The following CSMD1 variants were observed in gnomAD, a reference collection of about 807,000 sequenced individuals.
CSMD1 encodes the protein CUB and Sushi multiple domains 1, also known as CUB and sushi domain-containing protein 1.
In CSMD1, 213 loss-of-function variants were observed where a neutral mutation model predicts 417.5. The observed-to-expected ratio is 0.51, with a 90% confidence interval of 0.46 to 0.57. The LOEUF (loss-of-function observed/expected upper bound fraction) is 0.57. Among genes scored for constraint, CSMD1 ranks in the 20% least tolerant of loss-of-function variants. The pLI is 0.00. For synonymous variants in CSMD1, 2,862 were observed against 1,736.8 expected (o/e 1.65, Z -16.11); for missense variants, 6,923 against 4,529.7 (o/e 1.53, Z -15.17).
chr8:4,897,342 T>G (rs916012315), intron 1 of CSMD1, among the ~76,000 whole-genome samples: 8 of 152,050 alleles, frequency 5.3e-5, no homozygotes, highest in African/African-American at 1.9e-4. Flanking sequence ...CAATATATAT[T>G]GTTTCTATAG....
chr8:4,195,894 T>C (rs796125435), intron 3 of CSMD1, among the ~76,000 whole-genome samples: 2 of 151,988 alleles, frequency 1.3e-5, no homozygotes, highest in South Asian at 2.1e-4. Context: ...CTCAGCACAG[T>C]CCCACCCCGA....
At chr8:4,951,230 G>A (rs541944164) in intron 1 of CSMD1, among the ~76,000 whole-genome samples, 4 of 152,084 alleles carry the variant, frequency 2.6e-5, no homozygotes, top group Non-Finnish European at 2.9e-5. Flanking sequence ...AATCCACAAA[G>A]AAACTGTCTC....
chr8:3,338,550 T>C (rs1807424811), intron 23 of CSMD1, among the ~76,000 whole-genome samples: 1 of 152,130 alleles, frequency 6.6e-6, no homozygotes, highest in East Asian at 1.9e-4. Context: ...ATTGTGAATG[T>C]CCCTATTTCC....
chr8:3,695,510 G>A (rs554160588), intron 7 of CSMD1, among the ~76,000 whole-genome samples: 132 of 152,162 alleles, frequency 8.7e-4, no homozygotes, highest in African/African-American at 3.0e-3. Context: ...GTTTATCACA[G>A]ATACAGAAGA....
At chr8:4,162,711 G>A (rs1181144256) in intron 3 of CSMD1, among the ~76,000 whole-genome samples, 1 of 152,124 alleles carries the variant, frequency 6.6e-6, no homozygotes, top group East Asian at 1.9e-4. Context: ...CGCCAGAGTG[G>A]TGCATTTGTT....
chr8:3,241,051 A>T (rs1360570131), intron 26 of CSMD1, among the ~76,000 whole-genome samples: 2 of 148,812 alleles, frequency 1.3e-5, no homozygotes, highest in South Asian at 2.2e-4. Flanking sequence ...GGTATCTCAT[A>T]CTTGTGGGTT....
intron 3 of CSMD1, among the ~76,000 whole-genome samples, chr8:4,248,611 C>T (rs1802854955): frequency 6.6e-6 from 1 of 152,126 alleles, no homozygotes; most frequent in Non-Finnish European, 1.5e-5. Flanking sequence ...ATGAACTTCT[C>T]GAAAAGACCT....
rs546623009 is a variant in CSMD1, at chr8:4,488,487, CA to C, written c.303-68423del. 3.3e-5 allele frequency among the ~76,000 whole-genome samples: 5 copies of C among 152,200 alleles called. No homozygotes were observed. The East Asian group carries it at 9.7e-4, about 29-fold the overall frequency. ...TATTCACAAAATAAACTAGTGGTGACAGTAGTCACCCTACTCTGAATCAAAC... is the reference window on the plus strand; with the variant it reads ...TATTCACAAAATAAACTAGTGGTGACGTAGTCACCCTACTCTGAATCAAAC... On this transcript the variant is annotated intron_variant, in intron 2 of 69. Coordinates refer to ENST00000635120, the MANE Select transcript of CSMD1 (RefSeq NM_033225.6).
chr8:2,986,434 CTG>C lies in CSMD1; in HGVS notation c.8378-7636_8378-7635del, dbSNP rs1470223679. ...ACACATATCAGATCAACCCCTAAGA[CTG>C]TGTTTTCTCTACTCAGCAACACTCC... On this transcript the variant is annotated intron_variant, in intron 54 of 69. Coordinates refer to ENST00000635120, the MANE Select transcript of CSMD1 (RefSeq NM_033225.6). Among the ~76,000 whole-genome samples, 3 of 152,284 alleles carry C rather than the reference CTG, an allele frequency of 2.0e-5. No individual in the cohort carries two copies. In the East Asian group the frequency reaches 5.8e-4, roughly 29 times the overall value.
At chr8:3,317,048 A>T (rs377065240) in intron 23 of CSMD1, among the ~76,000 whole-genome samples, 1 of 152,092 alleles carries the variant, frequency 6.6e-6, no homozygotes, top group Non-Finnish European at 1.5e-5. Flanking sequence ...AGCCTGAGTG[A>T]GAGTGGACAC....
At chr8:4,300,390 T>A (rs1462398831) in intron 3 of CSMD1, among the ~76,000 whole-genome samples, 1 of 152,170 alleles carries the variant, frequency 6.6e-6, no homozygotes, top group Non-Finnish European at 1.5e-5. Context: ...ATATGCTCCA[T>A]CAACCTCAAG....
chr8:4,749,784 C>T (rs1436590364), intron 1 of CSMD1, among the ~76,000 whole-genome samples: 3 of 151,862 alleles, frequency 2.0e-5, no homozygotes, highest in Non-Finnish European at 4.4e-5. Context: ...ATGTGTAAGT[C>T]TGGGCCTGTA....
At chr8:3,815,021 C>T (rs903188441) in intron 5 of CSMD1, among the ~76,000 whole-genome samples, 1 of 152,140 alleles carries the variant, frequency 6.6e-6, no homozygotes, top group African/African-American at 2.4e-5. Flanking sequence ...AGAGACTAAA[C>T]TAAGCAATGG....
intron 3 of CSMD1, among the ~76,000 whole-genome samples, chr8:4,061,624 A>T (rs888866478): frequency 2.0e-5 from 3 of 152,220 alleles, no homozygotes; most frequent in Non-Finnish European, 4.4e-5. Flanking sequence ...TTTACCAGAC[A>T]GATTCTGCAA....
intron 2 of CSMD1, among the ~76,000 whole-genome samples, chr8:4,548,187 G>T (rs1797715427): frequency 6.6e-6 from 1 of 152,136 alleles, no homozygotes; most frequent in Non-Finnish European, 1.5e-5. Flanking sequence ...CTTATGTTGG[G>T]CCTAACATAG....
chr8:4,346,665 T>A (rs748101224), intron 3 of CSMD1, among the ~76,000 whole-genome samples: 30 of 152,306 alleles, frequency 2.0e-4, no homozygotes, highest in Non-Finnish European at 3.8e-4. Flanking sequence ...AATTTTGAAT[T>A]TTTTTTCTAA....
chr8:3,830,484 G>C (rs557507123), intron 5 of CSMD1, among the ~76,000 whole-genome samples: 1 of 152,338 alleles, frequency 6.6e-6, no homozygotes, highest in South Asian at 2.1e-4. Context: ...TCTGCATTCT[G>C]TGCAACTGAG....
At chr8:4,867,446 A>G (rs1005005400) in intron 1 of CSMD1, among the ~76,000 whole-genome samples, 1 of 152,122 alleles carries the variant, frequency 6.6e-6, no homozygotes, top group Non-Finnish European at 1.5e-5. Context: ...ACATTCCAAT[A>G]AAGTATAATT....
intron 3 of CSMD1, among the ~76,000 whole-genome samples, chr8:4,284,527 C>G (rs908882780): frequency 1.3e-5 from 2 of 152,126 alleles, no homozygotes; most frequent in Non-Finnish European, 2.9e-5. Context: ...GGTATAGGTT[C>G]TTGCGCGACA....
Sources: allele counts gnomAD v4.1 joint callset (sites outside exome capture counted in the v4.1 genomes callset), GRCh38; gene constraint gnomAD v4.1.1; transcripts MANE v1.5; gene names NCBI Gene and HGNC (gene_info 2026-07-23, HGNC 2026-07-21).